The following PLCE1 variants were observed in gnomAD, a reference collection of about 807,000 sequenced individuals.
PLCE1 encodes phospholipase C epsilon 1.
PLCE1 carries 119 observed loss-of-function variants against 242.8 expected under a neutral mutation model. The ratio of observed to expected loss-of-function variants is 0.49; its 90% confidence interval spans 0.42 to 0.57. PLCE1 has a LOEUF of 0.57. Ranked by LOEUF, PLCE1 falls within the 20% of genes least tolerant of loss-of-function variation. The pLI is 0.00. For missense variants in PLCE1, 2,441 were observed against 2,788.8 expected (o/e 0.88, Z 2.81); for synonymous variants, 945 against 1,017.4 (o/e 0.93, Z 1.35).
intron 3 of PLCE1, among the ~76,000 whole-genome samples, chr10:94,166,202 A>C (rs2047796582): frequency 2.0e-5 from 3 of 152,134 alleles, no homozygotes; most frequent in Non-Finnish European, 4.4e-5. Flanking sequence ...TTTTGTCCTA[A>C]ATTTTTTGTG....
intron 16 of PLCE1, 112 bp from the exon 17 acceptor site, chr10:94,268,817 C>G (rs2051605825): frequency 1.4e-6 from 1 of 716,294 alleles, no homozygotes; most frequent in Non-Finnish European, 2.6e-6. Context: ...TGCCCTTCTG[C>G]TTTAGTCCTG....
intron 3 of PLCE1, among the ~76,000 whole-genome samples, chr10:94,161,692 T>G (rs1327900406): frequency 6.6e-6 from 1 of 152,112 alleles, no homozygotes; most frequent in East Asian, 1.9e-4. Flanking sequence ...CCAACACTAT[T>G]TTGAATATGA....
At chr10:94,231,541 A>T (rs1261921244) in intron 5 of PLCE1, among the ~76,000 whole-genome samples, 1 of 151,200 alleles carries the variant, frequency 6.6e-6, no homozygotes, top group Non-Finnish European at 1.5e-5. Flanking sequence ...ACACAATCTC[A>T]TTCTCCTATG....
chr10:94,122,096 A>G (rs1234833714), intron 2 of PLCE1, among the ~76,000 whole-genome samples: 1 of 152,236 alleles, frequency 6.6e-6, no homozygotes, highest in Non-Finnish European at 1.5e-5. Flanking sequence ...ACAGGATGTC[A>G]GGAACTTTCT....
At chr10:94,190,840 G>C (rs566589380) in intron 4 of PLCE1, among the ~76,000 whole-genome samples, 1 of 152,358 alleles carries the variant, frequency 6.6e-6, no homozygotes, top group East Asian at 1.9e-4. Flanking sequence ...CATGGAGCTC[G>C]TGTGCTAGAT....
At position 94,308,598 on chromosome 10, in the gene PLCE1, C is replaced by T. The variant is rs1204773476; in HGVS notation, c.5902C>T (p.Leu1968=). 1.2e-6 allele frequency: 2 copies of T among 1,609,966 alleles called. No individual in the cohort carries two copies. Among genetic ancestry groups the T allele is most frequent in the Non-Finnish European group, 1.7e-6 (2 of 1,176,320 alleles). The change falls in exon 27 of 33, where the codon CTG becomes TTG. Residue 1968 remains leucine (L), a synonymous_variant. Coordinates refer to ENST00000371380, the MANE Select transcript of PLCE1 (RefSeq NM_016341.4). ...ALKRGYRHLQ[L]RNLHNEVLEI... ...TACTCCAGGATATCGACATCTTCAG[C>T]TGCGAAACCTTCACAATGAAGTCTT...
rs1177112312 is a variant in PLCE1 at position 94,226,831 on chromosome 10, C to CTT, written c.1810-450_1810-449dup. ...TATAAGAGATTAAGGACCTATAGGT[C>CTT]TTTTTTTTTTTTTTTTTTTTTTTTT... On this transcript the variant is annotated intron_variant, in intron 4 of 32. Coordinates refer to ENST00000371380, the MANE Select transcript of PLCE1 (RefSeq NM_016341.4). 3.1e-3 allele frequency among the ~76,000 whole-genome samples: 316 copies of CTT among 101,800 alleles called. 29 individuals are homozygous for CTT. The highest frequency in any genetic ancestry group is 9.5e-3 in the African/African-American group (247 of 25,900). 66.8% of individuals were successfully genotyped at this position (101,800 alleles called of 152,430 possible).
chr10:94,303,482 T>C (rs1277478805), intron 24 of PLCE1, among the ~76,000 whole-genome samples: 1 of 152,214 alleles, frequency 6.6e-6, no homozygotes, highest in African/African-American at 2.4e-5. Flanking sequence ...ATTGAGGGGA[T>C]TGTGGACATG....
intron 16 of PLCE1, among the ~76,000 whole-genome samples, chr10:94,266,934 A>T (rs1328827666): frequency 2.0e-5 from 3 of 152,202 alleles, no homozygotes; most frequent in Non-Finnish European, 4.4e-5. Flanking sequence ...AAGTTCTGTC[A>T]TGGGGCCTCA....
intron 4 of PLCE1, among the ~76,000 whole-genome samples, chr10:94,217,135 C>A (rs2049555900): frequency 6.6e-6 from 1 of 151,464 alleles, no homozygotes; most frequent in Non-Finnish European, 1.5e-5. Context: ...AGGTGTGTAA[C>A]CTTGGGCAAG....
Position 94,262,648 on chromosome 10 carries a change from G to C in PLCE1, c.3969G>C (p.Gly1323=), listed in dbSNP as rs750928436. The C allele has an allele frequency of 9.3e-6, 15 of 1,613,880 alleles. No homozygotes were observed. In the African/African-American group the frequency reaches 1.6e-4, roughly 17 times the overall value. Residue 1323 remains glycine (G), a synonymous_variant, in exon 14 of 33, where the codon GGG becomes GGC. Transcript: ENST00000371380. ...AGAGCACATCTCTGGGCATTTTTGG[G>C]GTGGGCATACTTCAGCTCAACGATT... ...GIESTSLGIF[G]VGILQLNDFL... is the part of the protein sequence containing the mutation.
At position 94,306,741 on chromosome 10, in the gene PLCE1, C is replaced by A; in HGVS notation, c.5884+53C>A. On this transcript the variant is annotated intron_variant, in intron 26 of 32. Transcript: ENST00000371380. The surrounding 1 kb of genome is among the most constrained non-coding windows in gnomAD (Gnocchi z 5.7). ...AATTGTTGTAGCTAGGTGATGGATG[C>A]CAGAATTTCCTTATACTCTTCTCTC... The A allele has an allele frequency of 7.5e-7, 1 of 1,333,190 alleles. No homozygotes were observed. The allele number at this position is 1,333,190 out of a possible 1,614,324, so 82.6% of individuals were successfully genotyped here.
chr10:94,136,009 C>A (rs1282080845), intron 3 of PLCE1, among the ~76,000 whole-genome samples: 1 of 151,846 alleles, frequency 6.6e-6, no homozygotes, highest in Non-Finnish European at 1.5e-5. Context: ...GGAGGTAGCA[C>A]AAGATTTAAA....
At chr10:94,161,914 C>T (rs1194929533) in intron 3 of PLCE1, among the ~76,000 whole-genome samples, 4 of 152,278 alleles carry the variant, frequency 2.6e-5, no homozygotes, top group African/African-American at 9.6e-5. Flanking sequence ...TTGAGATAAT[C>T]ATGTGGTTTT....
intron 6 of PLCE1, 48 bp from the exon 7 acceptor site, chr10:94,235,867 T>C: frequency 6.5e-7 from 1 of 1,530,956 alleles, no homozygotes; most frequent in Non-Finnish European, 9.0e-7. Flanking sequence ...AAGTATGTTA[T>C]CCAGGCATAT....
chr10:94,164,610 T>C (rs997118126), intron 3 of PLCE1, among the ~76,000 whole-genome samples: 3 of 152,244 alleles, frequency 2.0e-5, no homozygotes, highest in Non-Finnish European at 2.9e-5. Flanking sequence ...AGTAGTTTGA[T>C]TGTCTGAAGC....
chr10:94,011,011 G>T (rs966124812), intron 1 of PLCE1, among the ~76,000 whole-genome samples: 1 of 151,988 alleles, frequency 6.6e-6, no homozygotes, highest in Admixed American at 6.6e-5. Flanking sequence ...TATTTTTATA[G>T]CAATGCCCCA....
Position 94,306,302 on chromosome 10 carries a change from C to A in PLCE1, c.5623-125C>A. ...CACTTACTTTTTAAACAGTTTTATT[C>A]ATCATTCACTTTGTCCATTCCAGTG... is the stretch of plus-strand genomic sequence containing the variant. On this transcript the variant is annotated intron_variant, in intron 25 of 32. Transcript: ENST00000371380. The surrounding 1 kb of genome is among the most constrained non-coding windows in gnomAD (Gnocchi z 5.7). The A allele has an allele frequency of 1.3e-6, 2 of 1,521,050 alleles. No individual in the cohort carries two copies. Among genetic ancestry groups the A allele is most frequent in the Non-Finnish European group, 1.8e-6 (2 of 1,098,648 alleles). The allele number at this position is 1,521,050 out of a possible 1,614,324, so 94.2% of individuals were successfully genotyped here. A position where few individuals can be genotyped will look rare whatever the true frequency, so the allele number is the denominator to read the frequency against.
At chr10:94,230,955 G>C (rs1466914788) in intron 5 of PLCE1, among the ~76,000 whole-genome samples, 1 of 152,076 alleles carries the variant, frequency 6.6e-6, no homozygotes, top group South Asian at 2.1e-4. Context: ...CATAATACAT[G>C]AATCTATCTG....
Sources: allele counts gnomAD v4.1 joint callset (sites outside exome capture counted in the v4.1 genomes callset), GRCh38; gene constraint gnomAD v4.1.1; non-coding constraint Gnocchi (gnomAD v3.1); transcripts MANE v1.5; gene names NCBI Gene and HGNC (gene_info 2026-07-23, HGNC 2026-07-21).